The following ATG7 variants were observed in gnomAD, a reference collection of about 807,000 sequenced individuals.
ATG7 encodes the protein autophagy related 7.
Under a neutral mutation model 82.4 loss-of-function variants are expected in ATG7, and 70 were observed. That is an observed-to-expected ratio of 0.85 (90% CI 0.70 to 1.04). ATG7 has a LOEUF of 1.04. Among genes scored for constraint, ATG7 ranks in the 50% least tolerant of loss-of-function variants. ATG7 has a pLI of 0.00. For synonymous variants in ATG7, 287 were observed against 313.0 expected (o/e 0.92, Z 0.88); for missense variants, 792 against 864.3 (o/e 0.92, Z 1.05).
chr3:11,546,836 G>C (rs74849862), intron 20 of ATG7, among the ~76,000 whole-genome samples: 1 of 152,212 alleles, frequency 6.6e-6, no homozygotes, highest in Non-Finnish European at 1.5e-5. Flanking sequence ...AGTGGGGAGC[G>C]CTGAGGTGCT....
Position 11,485,697 on chromosome 3 carries a change from C to T in ATG7, c.2079+58771C>T, listed in dbSNP as rs537013413. Among the ~76,000 whole-genome samples the T allele has an allele frequency of 2.0e-5, 3 of 152,292 alleles. No homozygotes were observed. The South Asian group carries it at 6.2e-4, about 32-fold the overall frequency. Reference sequence around the variant, plus strand: ...TAGGTCTAACATTTAAGTCTTTAATCCATCTTGAATTAATTTTTGTATAAG... The same window carrying T: ...TAGGTCTAACATTTAAGTCTTTAATTCATCTTGAATTAATTTTTGTATAAG... On this transcript the variant is annotated intron_variant, in intron 20 of 20. Transcript: ENST00000693202.
At chr3:11,558,230 CTG>C, downstream of ATG7, 2 of 401,084 alleles carry the variant, frequency 5.0e-6, no homozygotes, top group Non-Finnish European at 9.0e-6. Flanking sequence ...TGGCTTGTGA[CTG>C]AGAAAGCGCT....
chr3:11,428,269 C>T (rs979937497), intron 20 of ATG7, among the ~76,000 whole-genome samples: 3 of 152,224 alleles, frequency 2.0e-5, no homozygotes, highest in Non-Finnish European at 4.4e-5. Flanking sequence ...AATAGATGGC[C>T]AGGCCCAATA....
chr3:11,485,605 A>C (rs1023157940), intron 20 of ATG7, among the ~76,000 whole-genome samples: 4 of 152,180 alleles, frequency 2.6e-5, no homozygotes, highest in Admixed American at 2.6e-4. Context: ...TTTAGACATG[A>C]AGTTCTTGCA....
In ATG7 at chr3:11,555,025, A is replaced by AT; in HGVS notation, c.*183dup. 1 of 691,702 alleles carries AT rather than the reference A, an allele frequency of 1.4e-6. No homozygotes were observed. Among genetic ancestry groups the AT allele is most frequent in the Non-Finnish European group, 2.3e-6 (1 of 431,232 alleles). The allele number at this position is 691,702 out of a possible 1,614,324, so 42.8% of individuals were successfully genotyped here. ...TGTTCGGCGTTGCTCGGGATTCAAG[A>AT]TACCACCAGTTCAGAGCTAAATAAT... On this transcript the variant is annotated 3_prime_UTR_variant, in exon 21 of 21. Transcript: ENST00000693202.
intron 8 of ATG7, 61 bp from the exon 9 acceptor site, chr3:11,315,281 GTT>G: frequency 1.4e-6 from 2 of 1,387,930 alleles, no homozygotes; most frequent in Non-Finnish European, 1.9e-6. Flanking sequence ...TTTTGAGTTA[GTT>G]TTTAGCCCAG....
At chr3:11,524,617 T>A (rs958610812) in intron 20 of ATG7, among the ~76,000 whole-genome samples, 1 of 151,890 alleles carries the variant, frequency 6.6e-6, no homozygotes, top group Admixed American at 6.6e-5. Flanking sequence ...ATAATAATAA[T>A]TAGTCAAGAA....
At chr3:11,559,504 G>T (rs1183443232), downstream of ATG7, 4 of 1,500,184 alleles carry the variant, frequency 2.7e-6, no homozygotes, top group Non-Finnish European at 3.6e-6. Context: ...TCAGTACCGG[G>T]CACCACCCCT....
intron 3 of ATG7, among the ~76,000 whole-genome samples, chr3:11,293,063 G>A (rs993659328): frequency 3.3e-5 from 5 of 152,220 alleles, no homozygotes; most frequent in Admixed American, 6.5e-5. Context: ...AGGAAATACA[G>A]AGAAAGGGGC....
At chr3:11,476,102 C>G (rs1388679848) in intron 20 of ATG7, among the ~76,000 whole-genome samples, 2 of 152,184 alleles carry the variant, frequency 1.3e-5, no homozygotes, top group Middle Eastern at 3.2e-3. Flanking sequence ...AGAAACCACA[C>G]TGCAAAGGGT....
At chr3:11,299,061 A>G in intron 4 of ATG7, 1 of 633,890 alleles carries the variant, frequency 1.6e-6, no homozygotes, top group South Asian at 2.3e-5. Context: ...GAGAGTAGTG[A>G]AACTCAAATT....
chr3:11,498,954 C>T (rs916277826), intron 20 of ATG7, among the ~76,000 whole-genome samples: 7 of 152,180 alleles, frequency 4.6e-5, no homozygotes, highest in Non-Finnish European at 1.0e-4. Flanking sequence ...TCTTGCAGAA[C>T]AAGTTCTCAA....
At chr3:11,420,765 T>C (rs2081866334) in intron 19 of ATG7, among the ~76,000 whole-genome samples, 1 of 150,272 alleles carries the variant, frequency 6.7e-6, no homozygotes, top group Non-Finnish European at 1.5e-5. Flanking sequence ...TTTTTTTTTT[T>C]TTTTTTTTTG....
chr3:11,365,087 A>G (rs897258627), intron 18 of ATG7, among the ~76,000 whole-genome samples: 2 of 152,178 alleles, frequency 1.3e-5, no homozygotes, highest in Non-Finnish European at 2.9e-5. Flanking sequence ...CCAAGTCACT[A>G]AACTTCTCTG....
intron 14 of ATG7, among the ~76,000 whole-genome samples, chr3:11,350,055 G>T (rs776775862): frequency 2.0e-5 from 3 of 152,096 alleles, no homozygotes; most frequent in Non-Finnish European, 4.4e-5. Context: ...GCCAGAAGAG[G>T]TTCTCAGTCC....
chr3:11,331,753 A>G (rs1951675864), intron 10 of ATG7, among the ~76,000 whole-genome samples: 2 of 152,212 alleles, frequency 1.3e-5, no homozygotes, highest in Non-Finnish European at 2.9e-5. Flanking sequence ...GGATTTTCCT[A>G]CTGCTGTCAT....
chr3:11,561,891 CTTTTTTT>C (rs35380668), downstream of ATG7, among the ~76,000 whole-genome samples: 478 of 88,632 alleles, frequency 5.4e-3, 7 homozygotes, highest in African/African-American at 0.021. Context: ...CTGCGCCAAA[CTTTTTTT>C]TTTTTTTTTT....
chr3:11,326,293 T>TG (rs1406512735), intron 9 of ATG7, among the ~76,000 whole-genome samples: 7 of 150,176 alleles, frequency 4.7e-5, no homozygotes, highest in South Asian at 2.1e-4. Flanking sequence ...GCTGTTTTTT[T>TG]TTTGTTGTTG....
At chr3:11,350,557 G>A (rs1284461936) in intron 14 of ATG7, among the ~76,000 whole-genome samples, 1 of 152,116 alleles carries the variant, frequency 6.6e-6, no homozygotes, top group Non-Finnish European at 1.5e-5. Flanking sequence ...CTCTTCCTAT[G>A]GTGGAAGGTT....
Sources: gnomAD v4.1 joint callset for allele counts (sites outside exome capture counted in the v4.1 genomes callset) on GRCh38, gnomAD v4.1.1 for gene constraint, MANE v1.5 for transcripts, NCBI Gene and HGNC (gene_info 2026-07-23, HGNC 2026-07-21) for gene names.